SPR: variants seen among roughly 807,000 people sequenced by gnomAD.
SPR encodes the protein Sepiapterin reductase (L-erythro-7,8-dihydrobiopterin forming).
In SPR, 12 loss-of-function variants were observed where a neutral mutation model predicts 16.0. The ratio of observed to expected loss-of-function variants is 0.75; its 90% CI spans 0.48 to 1.22. SPR has a LOEUF of 1.22. Ranked by LOEUF, SPR falls within the 50% of genes most tolerant of loss-of-function variation. The pLI is 0.00. For synonymous variants in SPR, 177 were observed against 168.5 expected (o/e 1.05, Z -0.39); for missense variants, 324 against 344.4 (o/e 0.94, Z 0.47).
Position 72,887,648 on chromosome 2 carries a change from C to A in SPR, c.216C>A (p.Ala72=), listed in dbSNP as rs1446515260. Residue 72 remains alanine, a synonymous_variant, in exon 1 of 3, where the codon GCC becomes GCA. Coordinates refer to ENST00000234454, the MANE Select transcript of SPR (RefSeq NM_003124.5). ...RVVRVPADLG[A]EAGLQQLLGA... is the part of the protein sequence containing the mutation. Reference sequence around the variant, plus strand: ...TGCGGGTGCCCGCCGACCTGGGCGCCGAGGCCGGCTTGCAGCAGCTGCTCG... The same window carrying A: ...TGCGGGTGCCCGCCGACCTGGGCGCAGAGGCCGGCTTGCAGCAGCTGCTCG... 1 of 1,469,788 alleles carries A rather than the reference C, an allele frequency of 6.8e-7. No individual in the cohort carries two copies. The highest frequency in any genetic ancestry group is 1.3e-5 in the South Asian group (1 of 76,708). The allele number at this position is 1,469,788 out of a possible 1,614,324, so 91.0% of individuals were successfully genotyped here. A position where few individuals can be genotyped will look rare whatever the true frequency, so the allele number is the denominator to read the frequency against.
Position 72,888,442 on chromosome 2 carries a change from A to C in SPR, c.433A>C (p.Ser145Arg). ...CAGCGTCCTGAAGGCCTTCCCGGAC[A>C]GTCCTGGCCTCAACAGAACCGTGGT... Reference protein sequence around the residue: ...TSSVLKAFPDSPGLNRTVVNI... With the variant: ...TSSVLKAFPDRPGLNRTVVNI... The change falls in exon 2 of 3, where the codon AGT becomes CGT. Residue 145 changes from serine (S) to arginine (R), a missense_variant. By Grantham distance (110) the Ser-to-Arg change is moderately radical. Coordinates refer to ENST00000234454, the MANE Select transcript of SPR (RefSeq NM_003124.5). 6.2e-7 allele frequency: 1 copy of C among 1,614,040 alleles called. No homozygotes were observed. The highest frequency in any genetic ancestry group is 1.1e-5 in the South Asian group (1 of 91,034).
In SPR at chr2:72,887,591, G is replaced by A; in HGVS notation, c.159G>A (p.Glu53=). 7.1e-7 allele frequency: 1 copy of A among 1,404,556 alleles called. No individual in the cohort carries two copies. Among genetic ancestry groups the A allele is most frequent in the Non-Finnish European group, 9.2e-7 (1 of 1,089,340 alleles). 87.0% of individuals were successfully genotyped at this position (1,404,556 alleles called of 1,614,324 possible). A position where few individuals can be genotyped will look rare whatever the true frequency, so the allele number is the denominator to read the frequency against. ...NDEALRQLEA[E]LGAERSGLRV... is the part of the protein sequence containing the mutation. ...AGGCACTGCGCCAGCTGGAGGCCGA[G>A]CTGGGCGCCGAGCGGTCTGGCCTGC... The change falls in exon 1 of 3, where the codon GAG becomes GAA. Residue 53 remains glutamate, a synonymous_variant. Coordinates refer to ENST00000234454, the MANE Select transcript of SPR (RefSeq NM_003124.5).
At chr2:72,891,270 C>T (rs1429917650) in intron 2 of SPR, 77 bp from the exon 3 acceptor site, 33 of 1,523,542 alleles carry the variant, frequency 2.2e-5, no homozygotes, top group Admixed American at 1.7e-4. Flanking sequence ...GCCCCACCCC[C>T]GACATAAAAC....
At chr2:72,889,819 G>A (rs778032777) in intron 2 of SPR, among the ~76,000 whole-genome samples, 6 of 152,104 alleles carry the variant, frequency 3.9e-5, no homozygotes, top group Non-Finnish European at 7.4e-5. Flanking sequence ...TTTTCATTTC[G>A]GTCTCAGGAA....
intron 2 of SPR, 78 bp from the exon 3 acceptor site, chr2:72,891,269 C>G (rs760527820): frequency 1.9e-4 from 293 of 1,524,332 alleles, no homozygotes; most frequent in Non-Finnish European, 2.6e-4. Context: ...AGCCCCACCC[C>G]CGACATAAAA....
intron 2 of SPR, 42 bp from the exon 3 acceptor site, chr2:72,891,305 G>T (rs749533390): frequency 6.2e-7 from 1 of 1,611,376 alleles, no homozygotes; most frequent in East Asian, 2.2e-5. Context: ...TTCTGTCCCT[G>T]CCTTGGCCAT....
chr2:72,890,435 A>G (rs904658701), intron 2 of SPR, among the ~76,000 whole-genome samples: 5 of 152,188 alleles, frequency 3.3e-5, no homozygotes, highest in African/African-American at 1.2e-4. Flanking sequence ...TCCACCTCCC[A>G]GGTTCACGCC....
rs1670558900 is a variant in SPR, at chr2:72,887,554, C to T, written c.122C>T (p.Ala41Val). The T allele has an allele frequency of 1.4e-6, 2 of 1,456,948 alleles. No individual in the cohort carries two copies. The highest frequency in any genetic ancestry group is 1.8e-6 in the Non-Finnish European group (2 of 1,112,574). 90.3% of individuals were successfully genotyped at this position (1,456,948 alleles called of 1,614,324 possible). A position where few individuals can be genotyped will look rare whatever the true frequency, so the allele number is the denominator to read the frequency against. The change falls in exon 1 of 3, where the codon GCC becomes GTC. Residue 41 changes from alanine to valine, a missense_variant. Ala to Val is a moderately conservative substitution (Grantham distance 64, BLOSUM62 0). Coordinates refer to ENST00000234454, the MANE Select transcript of SPR (RefSeq NM_003124.5). ...CCCGGCTCCGTGCTTGTCCTTAGCG[C>T]CCGCAACGACGAGGCACTGCGCCAG... The part of the protein sequence containing the change: ...LSPGSVLVLS[A>V]RNDEALRQLE...
intron 1 of SPR, 110 bp from the exon 2 acceptor site, chr2:72,888,204 C>A: frequency 8.8e-7 from 1 of 1,134,786 alleles, no homozygotes; most frequent in Non-Finnish European, 1.3e-6. Flanking sequence ...CGCTAGGCAG[C>A]TTCCTCCTCT....
Position 72,891,613 on chromosome 2 carries a change from C to G in SPR, c.*76C>G. 3 of 1,535,016 alleles carry G rather than the reference C, an allele frequency of 2.0e-6. No individual in the cohort carries two copies. The highest frequency in any genetic ancestry group is 9.0e-7 in the Non-Finnish European group (1 of 1,116,720). On this transcript the variant is annotated 3_prime_UTR_variant, in exon 3 of 3. Transcript: ENST00000234454. ...CCCAGAGCCCTGTGGCTCCCCACAC[C>G]CTGCCATAGGGGCAGTCCTGCCTTA...
intron 2 of SPR, among the ~76,000 whole-genome samples, chr2:72,890,493 C>G (rs1670601353): frequency 6.6e-6 from 1 of 152,226 alleles, no homozygotes; most frequent in African/African-American, 2.4e-5. Flanking sequence ...AAGCGCCCGC[C>G]ACCACACCCG....
rs1027610333 is a variant in SPR at position 72,887,691 on chromosome 2, C to A, written c.259C>A (p.Pro87Thr). ...GCTGCTCGGCGCCCTGCGCGAGCTC[C>A]CCCGGCCCAAGGGGCTGCAGCGACT... The part of the protein sequence containing the change: ...QQLLGALREL[P>T]RPKGLQRLLL... Residue 87 changes from proline to threonine, a missense_variant, in exon 1 of 3, where the codon CCC (proline) becomes ACC (threonine). Pro to Thr is a conservative substitution (Grantham distance 38). Coordinates refer to ENST00000234454, the MANE Select transcript of SPR (RefSeq NM_003124.5). 3 of 1,503,710 alleles carry A rather than the reference C, an allele frequency of 2.0e-6. No individual in the cohort carries two copies. Among genetic ancestry groups the A allele is most frequent in the Admixed American group, 4.2e-5 (2 of 47,302 alleles). 93.1% of individuals were successfully genotyped at this position (1,503,710 alleles called of 1,614,324 possible).
chr2:72,888,044 AGT>A (rs1559048222), intron 1 of SPR, among the ~76,000 whole-genome samples: 1 of 151,912 alleles, frequency 6.6e-6, no homozygotes, highest in African/African-American at 2.4e-5. Context: ...TCTCCAAACA[AGT>A]AAACTCTCTG....
intron 2 of SPR, among the ~76,000 whole-genome samples, chr2:72,889,948 C>T (rs1406543816): frequency 6.6e-6 from 1 of 152,228 alleles, no homozygotes; most frequent in African/African-American, 2.4e-5. Flanking sequence ...TAAATTCTCC[C>T]TCCAACCCTG....
In SPR at chr2:72,891,522, C is replaced by T; in HGVS notation, c.771C>T (p.Asp257=). 1 of 1,614,240 alleles carries T rather than the reference C, an allele frequency of 6.2e-7. No homozygotes were observed. The highest frequency in any genetic ancestry group is 8.5e-7 in the Non-Finnish European group (1 of 1,180,042). Residue 257 remains aspartate, a synonymous_variant, in exon 3 of 3, where the codon GAC becomes GAT. Transcript: ENST00000234454. The part of the protein sequence containing the change: ...KDEFKSGAHV[D]FYDK ...AGTTCAAGTCTGGAGCCCACGTGGA[C>T]TTCTATGACAAATAAGCCCATGTTT...
At position 72,887,742 on chromosome 2, in the gene SPR, A is replaced by G; in HGVS notation, c.304+6A>G. On this transcript the variant is annotated splice_donor_region_variant and intron_variant, in intron 1 of 2. Coordinates refer to ENST00000234454, the MANE Select transcript of SPR (RefSeq NM_003124.5). ...GCTGCTTATCAACAACGCGGGTAAG[A>G]CCCCGGGGCTGGAGCGGACTCCCCA... 6.6e-7 allele frequency: 1 copy of G among 1,508,390 alleles called. No homozygotes were observed. Among genetic ancestry groups the G allele is most frequent in the Non-Finnish European group, 8.8e-7 (1 of 1,135,186 alleles). 93.4% of individuals were successfully genotyped at this position (1,508,390 alleles called of 1,614,324 possible). A position where few individuals can be genotyped will look rare whatever the true frequency, so the allele number is the denominator to read the frequency against.
chr2:72,889,827 G>A (rs1392788718), intron 2 of SPR, among the ~76,000 whole-genome samples: 1 of 152,204 alleles, frequency 6.6e-6, no homozygotes. Context: ...TCGGTCTCAG[G>A]AAGAATGTTC....
rs540042362 is a variant in SPR, at chr2:72,891,887, G to A, written c.*350G>A. ...TGTCTCTTGCTCATAGCAAGCCTGT[G>A]GGTAGAGGAAAGAGTGATCTGGTGT... On this transcript the variant is annotated 3_prime_UTR_variant, in exon 3 of 3. Coordinates refer to ENST00000234454, the MANE Select transcript of SPR (RefSeq NM_003124.5). 12 of 335,694 alleles carry A rather than the reference G, an allele frequency of 3.6e-5. No individual in the cohort carries two copies. Among genetic ancestry groups the A allele is most frequent in the South Asian group, 3.4e-4 (11 of 32,020 alleles). 20.8% of individuals were successfully genotyped at this position (335,694 alleles called of 1,614,324 possible).
chr2:72,887,832 G>C, intron 1 of SPR, 96 bp downstream of exon 1: 1 of 1,259,024 alleles, frequency 7.9e-7, no homozygotes, highest in African/African-American at 1.5e-5. Context: ...CAGATAGGAC[G>C]CCTAGAAATC....
Sources: allele counts gnomAD v4.1 joint callset (sites outside exome capture counted in the v4.1 genomes callset), GRCh38; gene constraint gnomAD v4.1.1; transcripts MANE v1.5; gene names NCBI Gene and HGNC (gene_info 2026-07-23, HGNC 2026-07-21).